LMBR1L: variants seen among roughly 807,000 people sequenced by gnomAD.
LMBR1L encodes the protein limb development membrane protein 1 like, also known as protein LMBR1L.
A neutral mutation model predicts 67.3 loss-of-function variants in LMBR1L; 47 were observed. The observed-to-expected ratio is 0.70, with a 90% CI of 0.55 to 0.89. The LOEUF is 0.89. LMBR1L is among the 40% of genes least tolerant of loss of function. LMBR1L has a pLI of 0.00. For synonymous variants in LMBR1L, 247 were observed against 250.3 expected (o/e 0.99, Z 0.13); for missense variants, 533 against 599.2 (o/e 0.89, Z 1.15).
chr12:49,107,042 AT>A lies in LMBR1L; in HGVS notation c.75del (p.Ser26GlnfsTer16). 1 of 1,610,414 alleles carries A rather than the reference AT, an allele frequency of 6.2e-7. No homozygotes were observed. Among genetic ancestry groups the A allele is most frequent in the Non-Finnish European group, 8.5e-7 (1 of 1,176,560 alleles). ...TACAGTGTTGCAAACAGAAGTGTTG[AT>A]ATCTGTAGCAGAATATGAGCTGGGA... is the stretch of plus-strand genomic sequence containing the variant. Reference protein sequence around the residue: ...LFHERIRECIISTLLFATLYI... With the variant: ...LFHERIRECIXSTLLFATLYI... On this transcript the variant is annotated frameshift_variant and splice_region_variant, in exon 2 of 17. Coordinates refer to ENST00000267102, the MANE Select transcript of LMBR1L (RefSeq NM_018113.4). LOFTEE classifies it high-confidence loss of function.
At position 49,103,686 on chromosome 12, in the gene LMBR1L, C is replaced by A; in HGVS notation, c.562+1G>T. On this transcript the variant is annotated splice_donor_variant, in intron 6 of 16. Coordinates refer to ENST00000267102, the MANE Select transcript of LMBR1L (RefSeq NM_018113.4). LOFTEE classifies it high-confidence loss of function. Reference sequence around the variant, plus strand: ...AGCCTGGAGGAAGCTGGGCCGCTCACCATAGAGTGACTCTCTGTTGGCCTT... The same window carrying A: ...AGCCTGGAGGAAGCTGGGCCGCTCAACATAGAGTGACTCTCTGTTGGCCTT... 1.9e-6 allele frequency: 3 copies of A among 1,613,096 alleles called. No homozygotes were observed. Among genetic ancestry groups the A allele is most frequent in the Non-Finnish European group, 2.5e-6 (3 of 1,179,494 alleles).
chr12:49,107,492 T>C (rs1941052941), intron 1 of LMBR1L, among the ~76,000 whole-genome samples: 2 of 152,178 alleles, frequency 1.3e-5, no homozygotes, highest in South Asian at 4.1e-4. Flanking sequence ...TGGCACCCCA[T>C]TGCTACCCCA....
At chr12:49,098,468 A>G (rs1291725106) in intron 15 of LMBR1L, among the ~76,000 whole-genome samples, 3 of 152,138 alleles carry the variant, frequency 2.0e-5, no homozygotes, top group African/African-American at 7.2e-5. Flanking sequence ...CATACTCATC[A>G]GGCTGCTTTG....
chr12:49,107,011 AG>A lies in LMBR1L; in HGVS notation c.106del (p.Leu36SerfsTer6), dbSNP rs772246843. ...STLLFATLYI[L>X]CHIFLTRFKK... ...GAAGCGGGTCAGGAAGATGTGGCAG[AG>A]GATGTACAGTGTTGCAAACAGAAGT... On this transcript the variant is annotated frameshift_variant, in exon 2 of 17. Coordinates refer to ENST00000267102, the MANE Select transcript of LMBR1L (RefSeq NM_018113.4). LOFTEE classifies it high-confidence loss of function. 6.2e-7 allele frequency: 1 copy of A among 1,613,840 alleles called. No homozygotes were observed. The highest frequency in any genetic ancestry group is 1.3e-5 in the African/African-American group (1 of 75,060).
intron 11 of LMBR1L, 164 bp downstream of exon 11, chr12:49,101,956 G>A: frequency 1.6e-6 from 1 of 625,186 alleles, no homozygotes; most frequent in Non-Finnish European, 2.8e-6. Flanking sequence ...GGATTGATGT[G>A]CTCAACATTT....
rs778480210 is a variant in LMBR1L at position 49,102,204 on chromosome 12, G to A, written c.854-8C>T. 6.2e-7 allele frequency: 1 copy of A among 1,614,010 alleles called. No individual in the cohort carries two copies. Among genetic ancestry groups the A allele is most frequent in the African/African-American group, 1.3e-5 (1 of 74,930 alleles). On this transcript the variant is annotated splice_region_variant and splice_polypyrimidine_tract_variant and intron_variant, in intron 10 of 16. Transcript: ENST00000267102. ...AAGCCTTCCGCCTCTTCTCTGTGCA[G>A]GGATGGGAGGCTGTCAGCAAGCACC... is the stretch of plus-strand genomic sequence containing the variant.
chr12:49,102,828 G>T, intron 8 of LMBR1L, 59 bp downstream of exon 8: 1 of 1,487,748 alleles, frequency 6.7e-7, no homozygotes, highest in African/African-American at 1.4e-5. Flanking sequence ...TTCATTGTTT[G>T]GTTCCAGCTC....
In LMBR1L at chr12:49,106,727, G is replaced by A. The variant is rs542127107; in HGVS notation, c.157+234C>T. 52 of 908,430 alleles carry A rather than the reference G, an allele frequency of 5.7e-5. No homozygotes were observed. In the East Asian group the frequency reaches 8.1e-4, roughly 14 times the overall value. 56.3% of individuals were successfully genotyped at this position (908,430 alleles called of 1,614,324 possible). On this transcript the variant is annotated intron_variant, in intron 2 of 16. Coordinates refer to ENST00000267102, the MANE Select transcript of LMBR1L (RefSeq NM_018113.4). ...CAATGGAGTAGGTAGACATTGTTACGCCCATTTTGTAGGATGAAACTGAGG... is the reference window on the plus strand; with the variant it reads ...CAATGGAGTAGGTAGACATTGTTACACCCATTTTGTAGGATGAAACTGAGG...
At chr12:49,100,772 G>T in intron 13 of LMBR1L, 126 bp from the exon 14 acceptor site, 1 of 729,664 alleles carries the variant, frequency 1.4e-6, no homozygotes, top group Non-Finnish European at 2.3e-6. Context: ...TTGTCACCCA[G>T]GCTGGAGTGC....
chr12:49,099,051 G>C (rs1214237604), intron 15 of LMBR1L, among the ~76,000 whole-genome samples: 2 of 150,440 alleles, frequency 1.3e-5, no homozygotes, highest in Non-Finnish European at 2.9e-5. Flanking sequence ...CTGGCCTCAA[G>C]TGATCCTCCC....
At chr12:49,102,031 T>TA (rs1940256434) in intron 11 of LMBR1L, 89 bp downstream of exon 11, 2 of 1,132,272 alleles carry the variant, frequency 1.8e-6, no homozygotes, top group Non-Finnish European at 2.6e-6. Flanking sequence ...TTACTGATGA[T>TA]AACCAGGTCC....
chr12:49,104,772 TG>T lies in LMBR1L; in HGVS notation c.304del (p.Gln102SerfsTer55), dbSNP rs1300663449. 9.9e-6 allele frequency: 16 copies of T among 1,613,614 alleles called. No homozygotes were observed. Among genetic ancestry groups the T allele is most frequent in the African/African-American group, 1.3e-5 (1 of 74,884 alleles). ...LLSLPRNYYI[Q>X]WLNGSLIHGL... ...ATGGATGAGGGAGCCGTTGAGCCAC[TG>T]GATGTAGTAGTTCCGAGGCAGGGAG... On this transcript the variant is annotated frameshift_variant, in exon 4 of 17. Transcript: ENST00000267102. LOFTEE classifies it high-confidence loss of function.
chr12:49,105,560 C>T (rs1371514928), intron 3 of LMBR1L, among the ~76,000 whole-genome samples: 1 of 152,178 alleles, frequency 6.6e-6, no homozygotes, highest in African/African-American at 2.4e-5. Context: ...ATGCCCCTCC[C>T]TCAGGGGTTC....
intron 13 of LMBR1L, 70 bp from the exon 14 acceptor site, chr12:49,100,716 C>T: frequency 8.7e-7 from 1 of 1,146,264 alleles, no homozygotes. Flanking sequence ...GAACAGAGCT[C>T]TCTCCCAGCC....
At chr12:49,109,890 G>A (rs2085299647) in intron 1 of LMBR1L, 2 of 402,902 alleles carry the variant, frequency 5.0e-6, no homozygotes, top group South Asian at 3.6e-5. Flanking sequence ...GCCTTGCAGG[G>A]TTTCAAACAA....
Position 49,104,280 on chromosome 12 carries a change from CTCCCTTTG to C in LMBR1L, c.435+160_435+167del, listed in dbSNP as rs1940598191. On this transcript the variant is annotated intron_variant, in intron 5 of 16. Coordinates refer to ENST00000267102, the MANE Select transcript of LMBR1L (RefSeq NM_018113.4). ...ATTAGTGGGTTCTAGAAACCATTTC[CTCCCTTTG>C]TCCCTACAGGCCTAAGGGTGGTAAT... 9 of 640,220 alleles carry C rather than the reference CTCCCTTTG, an allele frequency of 1.4e-5. No homozygotes were observed. The East Asian group carries it at 2.3e-4, about 17-fold the overall frequency. The allele number at this position is 640,220 out of a possible 1,614,324, so 39.7% of individuals were successfully genotyped here. A position where few individuals can be genotyped will look rare whatever the true frequency, so the allele number is the denominator to read the frequency against.
chr12:49,104,933 C>T (rs748126862), intron 3 of LMBR1L, 48 bp from the exon 4 acceptor site: 15 of 1,569,180 alleles, frequency 9.6e-6, no homozygotes, highest in Non-Finnish European at 1.2e-5. Flanking sequence ...GCACTCACTA[C>T]CCTGTGCTGA....
Position 49,102,512 on chromosome 12 carries a change from T to A in LMBR1L, c.725A>T (p.Tyr242Phe), listed in dbSNP as rs2120959097. 1 of 1,614,102 alleles carries A rather than the reference T, an allele frequency of 6.2e-7. No individual in the cohort carries two copies. Among genetic ancestry groups the A allele is most frequent in the South Asian group, 1.1e-5 (1 of 91,086 alleles). The change falls in exon 9 of 17, where the codon TAC becomes TTC. Residue 242 changes from tyrosine to phenylalanine, a missense_variant. Tyr to Phe is a conservative substitution (Grantham distance 22). Coordinates refer to ENST00000267102, the MANE Select transcript of LMBR1L (RefSeq NM_018113.4). ...RLLEDLEEQL[Y>F]CSAFEEAALT... The stretch of plus-strand genomic sequence containing the variant: ...GGCTGCCTCCTCAAAGGCTGAGCAG[T>A]ACAGCTGCTCCTCCAGGTCTTCCAG...
At chr12:49,101,834 G>A (rs150839378) in intron 11 of LMBR1L, 12 of 577,334 alleles carry the variant, frequency 2.1e-5, no homozygotes, top group East Asian at 1.4e-4. Flanking sequence ...TAGGGGAATC[G>A]ACTGAATTTC....
Sources: allele counts gnomAD v4.1 joint callset (sites outside exome capture counted in the v4.1 genomes callset), GRCh38; gene constraint gnomAD v4.1.1; transcripts MANE v1.5; gene names NCBI Gene and HGNC (gene_info 2026-07-23, HGNC 2026-07-21).